Variants in RGS6 observed in about 807,000 individuals in gnomAD.
The protein encoded by RGS6 is regulator of G-protein signaling 6.
RGS6 carries 30 observed loss-of-function variants against 78.5 expected under a neutral mutation model. The observed-to-expected ratio is 0.38, with a 90% confidence interval of 0.29 to 0.52. The LOEUF (loss-of-function observed/expected upper bound fraction) is 0.52, where lower values mean the gene tolerates loss of function less well. Among genes scored for constraint, RGS6 ranks in the 20% least tolerant of loss-of-function variants. The pLI is 0.85. For synonymous variants in RGS6, 206 were observed against 206.0 expected (o/e 1.00, Z 0.00); for missense variants, 495 against 609.7 (o/e 0.81, Z 1.98).
intron 3 of RGS6, among the ~76,000 whole-genome samples, chr14:72,369,409 T>C (rs1244220955): frequency 3.3e-5 from 5 of 152,218 alleles, no homozygotes; most frequent in African/African-American, 9.6e-5. Flanking sequence ...TGTGGACTTC[T>C]GGCCTCCAGA....
chr14:72,013,504 A>G (rs1308776632), intron 2 of RGS6, among the ~76,000 whole-genome samples: 2 of 152,146 alleles, frequency 1.3e-5, no homozygotes, highest in East Asian at 1.9e-4. Context: ...TATATTGACA[A>G]ATGAAGGAAG....
intron 17 of RGS6, among the ~76,000 whole-genome samples, chr14:72,542,113 A>AAAAAAAAAC (rs375561739): frequency 0.016 from 2,422 of 152,142 alleles, 53 homozygotes; most frequent in East Asian, 0.089. Flanking sequence ...ATTAAAAAAA[A>AAAAAAAAAC]CTAAATTCCT....
At position 71,999,758 on chromosome 14, in the gene RGS6, C is replaced by T. The variant is rs574900104; in HGVS notation, c.84+34883C>T. 5.0e-5 allele frequency among the ~76,000 whole-genome samples: 5 copies of T among 100,118 alleles called. No individual in the cohort carries two copies. The South Asian group carries it at 1.8e-3, about 35-fold the overall frequency. The allele number at this position is 100,118 out of a possible 152,430, so 65.7% of individuals were successfully genotyped here. On this transcript the variant is annotated intron_variant, in intron 2 of 17. Coordinates refer to ENST00000553525, the MANE Select transcript of RGS6 (RefSeq NM_001204424.2). ...GGACATGTGAATTGCCTAGCTCCCC[C>T]TTCACCTTCCGCCATGATTGTAAGC...
chr14:71,929,122 A>T (rs978843097), upstream of RGS6, among the ~76,000 whole-genome samples: 1 of 152,202 alleles, frequency 6.6e-6, no homozygotes, highest in Admixed American at 6.5e-5. Context: ...CCTTCCTAAA[A>T]ACAAGAACAC....
In RGS6 at chr14:72,435,653, G is replaced by A. The variant is rs138445222; in HGVS notation, c.185-18875G>A. ...TTATTGCTTTTTCTAGCTTCTCGAG[G>A]TCGCCTGCATTTCTTGTCTCGTGGC... On this transcript the variant is annotated intron_variant, in intron 3 of 17. Coordinates refer to ENST00000553525, the MANE Select transcript of RGS6 (RefSeq NM_001204424.2). Among the ~76,000 whole-genome samples the A allele has an allele frequency of 4.3e-3, 661 of 152,154 alleles. 1 individual carries two copies. The highest frequency in any genetic ancestry group is 7.4e-3 in the Non-Finnish European group (503 of 68,026).
chr14:72,087,011 A>T (rs997473246), intron 2 of RGS6, among the ~76,000 whole-genome samples: 1 of 152,202 alleles, frequency 6.6e-6, no homozygotes. Flanking sequence ...GTTTATTACT[A>T]TGTGTTCTTA....
At chr14:72,489,021 T>G (rs1429222685) in intron 12 of RGS6, among the ~76,000 whole-genome samples, 9 of 152,174 alleles carry the variant, frequency 5.9e-5, no homozygotes, top group Admixed American at 4.6e-4. Flanking sequence ...AATTCCCCAA[T>G]AACGTAATTA....
At chr14:72,037,767 T>C (rs563783957) in intron 2 of RGS6, among the ~76,000 whole-genome samples, 21 of 152,332 alleles carry the variant, frequency 1.4e-4, no homozygotes, top group Admixed American at 6.5e-4. Context: ...GAATACACGT[T>C]ACAGGGTGTG....
intron 13 of RGS6, among the ~76,000 whole-genome samples, chr14:72,508,826 GTTC>G (rs1385477602): frequency 4.6e-5 from 7 of 152,182 alleles, no homozygotes; most frequent in East Asian, 3.9e-4. Context: ...GGGGCCTATG[GTTC>G]TTCTTCTGGT....
At chr14:72,167,542 A>G (rs543720587) in intron 2 of RGS6, among the ~76,000 whole-genome samples, 1 of 152,234 alleles carries the variant, frequency 6.6e-6, no homozygotes, top group Admixed American at 6.5e-5. Context: ...AACATTTAAT[A>G]TTAATGTAGT....
At chr14:72,080,885 T>C (rs1597243149) in intron 2 of RGS6, among the ~76,000 whole-genome samples, 1 of 152,322 alleles carries the variant, frequency 6.6e-6, no homozygotes, top group South Asian at 2.1e-4. Context: ...TAAGTGTCTG[T>C]TTTTATGGCA....
intron 2 of RGS6, among the ~76,000 whole-genome samples, chr14:72,330,294 C>T (rs914462721): frequency 4.6e-5 from 7 of 152,198 alleles, no homozygotes; most frequent in Non-Finnish European, 8.8e-5. Context: ...AGAGTGGCAC[C>T]GGACAGGGAG....
At chr14:72,546,682 G>A (rs568838716) in intron 17 of RGS6, among the ~76,000 whole-genome samples, 3 of 151,826 alleles carry the variant, frequency 2.0e-5, no homozygotes, top group Non-Finnish European at 2.9e-5. Context: ...CTCGACCCCC[G>A]CCCAGGCCCT....
At chr14:72,621,335 G>GC in the RGS6 span, among the ~76,000 whole-genome samples, 1 of 151,972 alleles carries the variant, frequency 6.6e-6, no homozygotes, top group African/African-American at 2.4e-5. Flanking sequence ...TTTGTGATCT[G>GC]GCCCCACCCC....
At chr14:72,220,393 AT>A (rs1467603746) in intron 2 of RGS6, among the ~76,000 whole-genome samples, 1 of 152,176 alleles carries the variant, frequency 6.6e-6, no homozygotes, top group East Asian at 1.9e-4. Context: ...GATAAAGTAG[AT>A]TATGATTTTG....
At chr14:72,570,214 T>C (rs577426222), downstream of RGS6, among the ~76,000 whole-genome samples, 1 of 152,356 alleles carries the variant, frequency 6.6e-6, no homozygotes, top group South Asian at 2.1e-4. Flanking sequence ...GTATTAAGTA[T>C]TATAAGCAAT....
At chr14:72,387,527 T>C (rs575495249) in intron 3 of RGS6, among the ~76,000 whole-genome samples, 18 of 149,666 alleles carry the variant, frequency 1.2e-4, no homozygotes, top group South Asian at 4.2e-4. Flanking sequence ...CCAGCCTGGG[T>C]GACAGAGCGA....
At chr14:71,983,740 A>C (rs983492522) in intron 2 of RGS6, among the ~76,000 whole-genome samples, 1 of 152,130 alleles carries the variant, frequency 6.6e-6, no homozygotes, top group Non-Finnish European at 1.5e-5. Context: ...CCCCCAATTG[A>C]TTGTGACCTC....
At chr14:72,448,945 A>G (rs1163353118) in intron 3 of RGS6, among the ~76,000 whole-genome samples, 2 of 152,190 alleles carry the variant, frequency 1.3e-5, no homozygotes, top group African/African-American at 4.8e-5. Context: ...ATTATTGTCA[A>G]GATAACATGC....
Sources: gnomAD v4.1 joint callset for allele counts (sites outside exome capture counted in the v4.1 genomes callset) on GRCh38, gnomAD v4.1.1 for gene constraint, MANE v1.5 for transcripts, NCBI Gene and HGNC (gene_info 2026-07-23, HGNC 2026-07-21) for gene names.